NRIP1: variants seen among roughly 807,000 people sequenced by gnomAD.
The protein encoded by NRIP1 is nuclear receptor interacting protein 1.
In NRIP1, 28 loss-of-function variants were observed where a neutral mutation model predicts 75.0. The observed-to-expected ratio is 0.37, with a 90% CI of 0.28 to 0.51. The LOEUF is 0.51. NRIP1 is among the 20% of genes least tolerant of loss of function. NRIP1 has a pLI of 0.92. For synonymous variants in NRIP1, 526 were observed against 487.6 expected (o/e 1.08, Z -1.04); for missense variants, 1,435 against 1,343.7 (o/e 1.07, Z -1.06).
chr21:15,031,158 T>C, intron 2 of NRIP1, among the ~76,000 whole-genome samples: 1 of 137,662 alleles, frequency 7.3e-6, no homozygotes, highest in African/African-American at 2.7e-5. Flanking sequence ...ATCACCACAT[T>C]CCCTTTCTAT....
At position 14,963,819 on chromosome 21, in the gene NRIP1, C is replaced by T. The variant is rs2086651142; in HGVS notation, c.*897G>A. On this transcript the variant is annotated 3_prime_UTR_variant, in exon 4 of 4. Transcript: ENST00000318948. ...TCCTGGTCATAACACTCGCAGGTAC[C>T]ACAGGAATGGTGAGAATTAACTTTT... is the stretch of plus-strand genomic sequence containing the variant. 1.3e-5 allele frequency: 2 copies of T among 152,098 alleles called. No individual in the cohort carries two copies. The highest frequency in any genetic ancestry group is 1.3e-4 in the Admixed American group (2 of 15,236). 9.4% of individuals were successfully genotyped at this position (152,098 alleles called of 1,614,324 possible). A position where few individuals can be genotyped will look rare whatever the true frequency, so the allele number is the denominator to read the frequency against.
chr21:15,014,425 G>A lies in NRIP1; in HGVS notation c.-416C>T, dbSNP rs1036822957. 2.2e-4 allele frequency: 88 copies of A among 398,362 alleles called. No individual in the cohort carries two copies. The highest frequency in any genetic ancestry group is 1.4e-3 in the East Asian group (40 of 28,036). The allele number at this position is 398,362 out of a possible 1,614,324, so 24.7% of individuals were successfully genotyped here. On this transcript the variant is annotated 5_prime_UTR_variant, in exon 3 of 4. Coordinates refer to ENST00000318948, the MANE Select transcript of NRIP1 (RefSeq NM_003489.4). ...TTGAAAAGTAGCTCTGATGTCATCC[G>A]GAGTCTTCAGATTCCCTGTCCTCCT...
chr21:15,061,114 T>C (rs530386859), intron 1 of NRIP1, among the ~76,000 whole-genome samples: 1 of 152,200 alleles, frequency 6.6e-6, no homozygotes, highest in African/African-American at 2.4e-5. Flanking sequence ...TTCAAACTCA[T>C]ATCCTGCAAG....
At position 14,962,731 on chromosome 21, in the gene NRIP1, A is replaced by G. The variant is rs2086624113; in HGVS notation, c.*1985T>C. 1 of 152,608 alleles carries G rather than the reference A, an allele frequency of 6.6e-6. No homozygotes were observed. The highest frequency in any genetic ancestry group is 1.9e-4 in the East Asian group (1 of 5,192). The allele number at this position is 152,608 out of a possible 1,614,324, so 9.5% of individuals were successfully genotyped here. On this transcript the variant is annotated 3_prime_UTR_variant, in exon 4 of 4. Transcript: ENST00000318948. ...TGCCTTCACTTCTCCATGATGTTGC[A>G]TAATACCCACTCCTATTACTGTATA...
In NRIP1 at chr21:14,984,202, C is replaced by T. The variant is rs139217473; in HGVS notation, c.-334-15676G>A. ...TGATTCATGAGGGGAGGTCAAATAT[C>T]AACATTTGCAACTTCATGGATGACT... On this transcript the variant is annotated intron_variant, in intron 3 of 3. Coordinates refer to ENST00000318948, the MANE Select transcript of NRIP1 (RefSeq NM_003489.4). Among the ~76,000 whole-genome samples the T allele has an allele frequency of 1.7e-4, 26 of 152,160 alleles. No homozygotes were observed. The East Asian group carries it at 4.3e-3, about 25-fold the overall frequency.
At chr21:15,013,075 C>T (rs1600869534) in intron 3 of NRIP1, among the ~76,000 whole-genome samples, 1 of 151,936 alleles carries the variant, frequency 6.6e-6, no homozygotes. Flanking sequence ...TTCAGACTGC[C>T]AACCAGTGAT....
At chr21:15,004,075 T>C (rs550593230) in intron 3 of NRIP1, among the ~76,000 whole-genome samples, 3 of 152,306 alleles carry the variant, frequency 2.0e-5, no homozygotes, top group African/African-American at 7.2e-5. Flanking sequence ...ACACACCTTT[T>C]CATTTCATGG....
At chr21:15,045,608 T>C (rs2089055265) in intron 1 of NRIP1, among the ~76,000 whole-genome samples, 1 of 152,208 alleles carries the variant, frequency 6.6e-6, no homozygotes, top group Non-Finnish European at 1.5e-5. Flanking sequence ...GTCTCTGTAA[T>C]GATTTCTTAA....
intron 3 of NRIP1, among the ~76,000 whole-genome samples, chr21:14,999,848 T>C (rs2087812252): frequency 6.6e-6 from 1 of 152,212 alleles, no homozygotes; most frequent in Non-Finnish European, 1.5e-5. Context: ...ATAGCCATAA[T>C]AACATGTCAA....
chr21:14,980,957 CATT>C (rs1427631007), intron 3 of NRIP1, among the ~76,000 whole-genome samples: 1 of 152,162 alleles, frequency 6.6e-6, no homozygotes, highest in Non-Finnish European at 1.5e-5. Flanking sequence ...TCACTCTAGT[CATT>C]ACAGGCTCCA....
intron 3 of NRIP1, among the ~76,000 whole-genome samples, chr21:14,994,042 T>C (rs1351241253): frequency 3.9e-5 from 6 of 152,214 alleles, no homozygotes; most frequent in African/African-American, 1.4e-4. Flanking sequence ...CATATGACAC[T>C]GCTTAGTCAC....
intron 3 of NRIP1, among the ~76,000 whole-genome samples, chr21:14,993,363 T>A (rs1026751085): frequency 6.6e-6 from 1 of 152,198 alleles, no homozygotes; most frequent in Non-Finnish European, 1.5e-5. Context: ...ACAATTTAAA[T>A]GTACGAGTCA....
chr21:15,045,624 G>A, intron 1 of NRIP1, among the ~76,000 whole-genome samples: 1 of 152,164 alleles, frequency 6.6e-6, no homozygotes, highest in South Asian at 2.1e-4. Context: ...CTTAAAACAA[G>A]ACAACAATGA....
chr21:14,994,331 G>C (rs567656271), intron 3 of NRIP1, among the ~76,000 whole-genome samples: 2 of 152,208 alleles, frequency 1.3e-5, no homozygotes, highest in East Asian at 3.9e-4. Flanking sequence ...CGCCATGTTG[G>C]CCAGGCTGGT....
At chr21:15,029,491 ATT>A (rs2088594849) in intron 2 of NRIP1, among the ~76,000 whole-genome samples, 1 of 152,058 alleles carries the variant, frequency 6.6e-6, no homozygotes, top group Non-Finnish European at 1.5e-5. Context: ...CTTTGCTTCA[ATT>A]TTTATTTAGC....
chr21:14,976,046 A>G (rs1349315982), intron 3 of NRIP1, among the ~76,000 whole-genome samples: 1 of 152,192 alleles, frequency 6.6e-6, no homozygotes, highest in Admixed American at 6.5e-5. Context: ...AAGCATTTGA[A>G]AACTAAAACT....
intron 3 of NRIP1, among the ~76,000 whole-genome samples, chr21:14,986,759 A>C (rs1263289129): frequency 6.6e-6 from 1 of 152,224 alleles, no homozygotes; most frequent in Non-Finnish European, 1.5e-5. Flanking sequence ...ATTCATTTGA[A>C]CTAACGACTT....
intron 3 of NRIP1, among the ~76,000 whole-genome samples, chr21:14,970,273 C>T (rs1305674368): frequency 1.3e-5 from 2 of 152,124 alleles, no homozygotes; most frequent in African/African-American, 4.8e-5. Context: ...TGGCCAGGTA[C>T]GGTGGCTCAC....
chr21:15,063,015 G>A (rs1343494318), intron 1 of NRIP1, among the ~76,000 whole-genome samples: 1 of 151,946 alleles, frequency 6.6e-6, no homozygotes, highest in Non-Finnish European at 1.5e-5. Context: ...ACAACGAACA[G>A]TCCTTTTTTT....
Sources: allele counts gnomAD v4.1 joint callset (sites outside exome capture counted in the v4.1 genomes callset), GRCh38; gene constraint gnomAD v4.1.1; transcripts MANE v1.5; gene names NCBI Gene and HGNC (gene_info 2026-07-23, HGNC 2026-07-21).